The following RETREG2 variants were observed in gnomAD, a reference collection of about 807,000 sequenced individuals.
RETREG2 encodes reticulophagy regulator 2.
RETREG2 carries 21 observed loss-of-function variants against 51.6 expected under a neutral mutation model. The observed-to-expected ratio is 0.41, with a 90% confidence interval of 0.29 to 0.59. The LOEUF is 0.59. Among genes scored for constraint, RETREG2 ranks in the 20% least tolerant of loss-of-function variants. The pLI is 0.34. For missense variants in RETREG2, 674 were observed against 646.0 expected, an observed-to-expected ratio of 1.04 and a Z score of -0.47; for synonymous variants, 339 against 288.6, an observed-to-expected ratio of 1.17 and a Z score of -1.77.
At chr2:219,178,808 C>G in intron 1 of RETREG2, 114 bp from the exon 2 acceptor site, 1 of 1,103,696 alleles carries the variant, frequency 9.1e-7, no homozygotes, top group Non-Finnish European at 1.3e-6. Flanking sequence ...TCGTGAGTCG[C>G]GAGTTAGGCC....
Position 219,184,455 on chromosome 2 carries a change from CTT to C in RETREG2, c.*1829_*1830del, listed in dbSNP as rs1950323047. The C allele has an allele frequency of 6.6e-6, 1 of 152,084 alleles. No homozygotes were observed. The highest frequency in any genetic ancestry group is 1.5e-5 in the Non-Finnish European group (1 of 68,038). The allele number at this position is 152,084 out of a possible 1,614,324, so 9.4% of individuals were successfully genotyped here. A position where few individuals can be genotyped will look rare whatever the true frequency, so the allele number is the denominator to read the frequency against. ...ATGCTGCCTGTCTTTCTGAGGTTGA[CTT>C]TTATGCCATGTCTTTCCTAAGTGTG... On this transcript the variant is annotated 3_prime_UTR_variant, in exon 9 of 9. Coordinates refer to ENST00000430297, the MANE Select transcript of RETREG2 (RefSeq NM_024293.6).
Position 219,178,276 on chromosome 2 carries a change from T to G in RETREG2, c.-77T>G, listed in dbSNP as rs964956218. 1 of 338,562 alleles carries G rather than the reference T, an allele frequency of 3.0e-6. No individual in the cohort carries two copies. Among genetic ancestry groups the G allele is most frequent in the Admixed American group, 5.1e-5 (1 of 19,542 alleles). 21.0% of individuals were successfully genotyped at this position (338,562 alleles called of 1,614,324 possible). A position where few individuals can be genotyped will look rare whatever the true frequency, so the allele number is the denominator to read the frequency against. ...CTCTGCTGTCCTCCGCGGCGCCCCCTTCCGCCTGACGCGCCCCCGGCGGCG... is the reference window on the plus strand; with the variant it reads ...CTCTGCTGTCCTCCGCGGCGCCCCCGTCCGCCTGACGCGCCCCCGGCGGCG... On this transcript the variant is annotated 5_prime_UTR_variant, in exon 1 of 9. Transcript: ENST00000430297.
intron 7 of RETREG2, 84 bp downstream of exon 7, chr2:219,181,547 G>A: frequency 6.2e-7 from 1 of 1,600,158 alleles, no homozygotes; most frequent in South Asian, 1.1e-5. Context: ...TCCAAAGGAG[G>A]TGGAAGCCAG....
In RETREG2 at chr2:219,178,609, C is replaced by G; in HGVS notation, c.257C>G (p.Ala86Gly). Residue 86 changes from alanine to glycine, a missense_variant, in exon 1 of 9, where the codon GCG becomes GGG. Ala to Gly is a moderately conservative substitution (Grantham distance 60, BLOSUM62 0). Transcript: ENST00000430297. ...AAGCCGCTGCACAGCCTGGTCACGGCGGCCGCGCTCAACGGCCTCTTCTGG... is the reference window on the plus strand; with the variant it reads ...AAGCCGCTGCACAGCCTGGTCACGGGGGCCGCGCTCAACGGCCTCTTCTGG... ...WEKPLHSLVT[A>G]AALNGLFWLL... 1 of 1,457,170 alleles carries G rather than the reference C, an allele frequency of 6.9e-7. No individual in the cohort carries two copies. Among genetic ancestry groups the G allele is most frequent in the South Asian group, 1.3e-5 (1 of 75,406 alleles). The allele number at this position is 1,457,170 out of a possible 1,614,324, so 90.3% of individuals were successfully genotyped here.
rs1950224642 is a variant in RETREG2, at chr2:219,178,645, G to T, written c.281+12G>T. The T allele has an allele frequency of 6.9e-7, 1 of 1,439,964 alleles. No homozygotes were observed. The highest frequency in any genetic ancestry group is 9.0e-7 in the Non-Finnish European group (1 of 1,108,050). The allele number at this position is 1,439,964 out of a possible 1,614,324, so 89.2% of individuals were successfully genotyped here. On this transcript the variant is annotated intron_variant, in intron 1 of 8. Coordinates refer to ENST00000430297, the MANE Select transcript of RETREG2 (RefSeq NM_024293.6). The stretch of plus-strand genomic sequence containing the variant: ...AACGGCCTCTTCTGGTAACGGCCGC[G>T]GAGGAGGGGGCGGGGCCGGGATGAG...
At position 219,178,976 on chromosome 2, in the gene RETREG2, G is replaced by T; in HGVS notation, c.336G>T (p.Leu112Phe). The change falls in exon 2 of 9, where the codon TTG (leucine) becomes TTT (phenylalanine). Residue 112 changes from leucine to phenylalanine, a missense_variant. Transcript: ENST00000430297. ...TCTTCCTACTCAGCGTCTCACTTTT[G>T]GCCTATTTTCTGCTGGATCTCTGGC... ...RPFFLLSVSL[L>F]AYFLLDLWQP... 1 of 1,614,058 alleles carries T rather than the reference G, an allele frequency of 6.2e-7. No individual in the cohort carries two copies. The highest frequency in any genetic ancestry group is 8.5e-7 in the Non-Finnish European group (1 of 1,179,996).
At chr2:219,179,587 C>T (rs144047646) in intron 2 of RETREG2, 146 bp from the exon 3 acceptor site, 73 of 747,090 alleles carry the variant, frequency 9.8e-5, no homozygotes, top group Admixed American at 5.9e-4. Flanking sequence ...AGGAGACAGA[C>T]GCAAACAAAA....
Position 219,184,667 on chromosome 2 carries a change from T to C in RETREG2, c.*2038T>C, listed in dbSNP as rs1357817439. ...AAAATAGAATTAATCAGGCAATGAC[T>C]GCAACATGTCCTATCTTTAATCTAT... On this transcript the variant is annotated 3_prime_UTR_variant, in exon 9 of 9. Coordinates refer to ENST00000430297, the MANE Select transcript of RETREG2 (RefSeq NM_024293.6). The C allele has an allele frequency of 6.6e-6, 1 of 152,172 alleles. No homozygotes were observed. Among genetic ancestry groups the C allele is most frequent in the Non-Finnish European group, 1.5e-5 (1 of 68,016 alleles). The allele number at this position is 152,172 out of a possible 1,614,324, so 9.4% of individuals were successfully genotyped here.
rs867184470 is a variant in RETREG2 at position 219,184,427 on chromosome 2, G to T, written c.*1798G>T. 6.6e-6 allele frequency: 1 copy of T among 152,124 alleles called. No individual in the cohort carries two copies. Among genetic ancestry groups the T allele is most frequent in the African/African-American group, 2.4e-5 (1 of 41,400 alleles). The allele number at this position is 152,124 out of a possible 1,614,324, so 9.4% of individuals were successfully genotyped here. On this transcript the variant is annotated 3_prime_UTR_variant, in exon 9 of 9. Coordinates refer to ENST00000430297, the MANE Select transcript of RETREG2 (RefSeq NM_024293.6). The stretch of plus-strand genomic sequence containing the variant: ...GGCTGTCTGCTGGAGGTACCATATG[G>T]TAATGCTGCCTGTCTTTCTGAGGTT...
At position 219,181,153 on chromosome 2, in the gene RETREG2, C is replaced by G. The variant is rs767100387; in HGVS notation, c.732C>G (p.Asp244Glu). The G allele has an allele frequency of 1.9e-6, 3 of 1,614,140 alleles. No individual in the cohort carries two copies. The highest frequency in any genetic ancestry group is 2.2e-5 in the South Asian group (2 of 91,088). ...TRLEPLLMQL[D>E]YSMKAEANAL... The stretch of plus-strand genomic sequence containing the variant: ...TGGAGCCCCTGCTCATGCAGCTGGA[C>G]TACAGCATGAAGGCAGAAGCCAATG... Residue 244 changes from aspartate (D) to glutamate (E), a missense_variant, in exon 6 of 9, where the codon GAC becomes GAG. Physicochemically the swap from Asp to Glu is conservative, Grantham distance 45. Coordinates refer to ENST00000430297, the MANE Select transcript of RETREG2 (RefSeq NM_024293.6).
Position 219,181,738 on chromosome 2 carries a change from C to A in RETREG2, c.978C>A (p.Ser326=), listed in dbSNP as rs1050050590. The part of the protein sequence containing the change: ...SILESGGFSV[S]RATTPQLTDV... ...TGGAGAGTGGTGGCTTCTCCGTATCCCGGGCCACAACTCCGCAGCTGACTG... is the reference window on the plus strand; with the variant it reads ...TGGAGAGTGGTGGCTTCTCCGTATCACGGGCCACAACTCCGCAGCTGACTG... The change falls in exon 8 of 9, where the codon TCC becomes TCA. Residue 326 remains serine (S), a synonymous_variant. Coordinates refer to ENST00000430297, the MANE Select transcript of RETREG2 (RefSeq NM_024293.6). 6.2e-7 allele frequency: 1 copy of A among 1,613,850 alleles called. No homozygotes were observed. The highest frequency in any genetic ancestry group is 1.7e-5 in the Admixed American group (1 of 59,984).
Position 219,181,776 on chromosome 2 carries a change from G to C in RETREG2, c.1015+1G>C. ...CCGCAGCTGACTGATGTCTCCGAGG[G>C]TATGGGGAGCCCTTTGCTGCCCTGC... On this transcript the variant is annotated splice_donor_variant, in intron 8 of 8. Transcript: ENST00000430297. LOFTEE classifies it high-confidence loss of function. 1 of 1,612,960 alleles carries C rather than the reference G, an allele frequency of 6.2e-7. No homozygotes were observed. The highest frequency in any genetic ancestry group is 2.2e-5 in the East Asian group (1 of 44,852).
chr2:219,184,031 C>T lies in RETREG2; in HGVS notation c.*1402C>T, dbSNP rs556597405. On this transcript the variant is annotated 3_prime_UTR_variant, in exon 9 of 9. Transcript: ENST00000430297. ...TGTATTAAGATTTTTCCTCACAGGT[C>T]AGATATATACTGTTACTAACTTCAT... 1 of 152,322 alleles carries T rather than the reference C, an allele frequency of 6.6e-6. No individual in the cohort carries two copies. Among genetic ancestry groups the T allele is most frequent in the South Asian group, 2.1e-4 (1 of 4,830 alleles). The allele number at this position is 152,322 out of a possible 1,614,324, so 9.4% of individuals were successfully genotyped here.
rs568410549 is a variant in RETREG2, at chr2:219,183,431, G to A, written c.*802G>A. On this transcript the variant is annotated 3_prime_UTR_variant, in exon 9 of 9. Coordinates refer to ENST00000430297, the MANE Select transcript of RETREG2 (RefSeq NM_024293.6). Reference sequence around the variant, plus strand: ...TAGTGGGACCCCCTACTAGGGTCAGGAAGTGGACACTAACATCTGTGCAGG... The same window carrying A: ...TAGTGGGACCCCCTACTAGGGTCAGAAAGTGGACACTAACATCTGTGCAGG... 4 of 152,364 alleles carry A rather than the reference G, an allele frequency of 2.6e-5. No homozygotes were observed. The East Asian group carries it at 5.8e-4, about 22-fold the overall frequency. 9.4% of individuals were successfully genotyped at this position (152,364 alleles called of 1,614,324 possible). A position where few individuals can be genotyped will look rare whatever the true frequency, so the allele number is the denominator to read the frequency against.
chr2:219,181,054 A>C lies in RETREG2; in HGVS notation c.641-8A>C. On this transcript the variant is annotated splice_region_variant and splice_polypyrimidine_tract_variant and intron_variant, in intron 5 of 8. Coordinates refer to ENST00000430297, the MANE Select transcript of RETREG2 (RefSeq NM_024293.6). ...AGGGAGCTCTTAGTTCACGTTCTTA[A>C]CCCATAGTGTTGAGTATCCTGCTGT... 1.2e-6 allele frequency: 2 copies of C among 1,613,790 alleles called. No individual in the cohort carries two copies.
rs1219565036 is a variant in RETREG2 at position 219,180,200 on chromosome 2, T to A, written c.510T>A (p.Ile170=). 6.2e-7 allele frequency: 1 copy of A among 1,614,182 alleles called. No individual in the cohort carries two copies. Among genetic ancestry groups the A allele is most frequent in the South Asian group, 1.1e-5 (1 of 91,088 alleles). Residue 170 remains isoleucine (I), a synonymous_variant, in exon 4 of 9, where the codon ATT becomes ATA. Transcript: ENST00000430297. ...CTGAGAGCTGGCTCACCTTCCAGAT[T>A]CACCTGCAGGAGCTGCTGCAGTACA... The part of the protein sequence containing the change: ...YLAESWLTFQ[I]HLQELLQYKR...
At chr2:219,181,615 G>A (rs200092175) in intron 7 of RETREG2, 25 bp from the exon 8 acceptor site, 106 of 1,612,720 alleles carry the variant, frequency 6.6e-5, no homozygotes, top group South Asian at 2.3e-4. Context: ...CTCACATGTC[G>A]TGTTCATCCT....
chr2:219,181,437 G>A lies in RETREG2; in HGVS notation c.853G>A (p.Ala285Thr), dbSNP rs745365496. 1 of 1,614,150 alleles carries A rather than the reference G, an allele frequency of 6.2e-7. No individual in the cohort carries two copies. ...GGCAGAGACAGAGAGTGAAAGCGAG[G>A]CAGAGCTGGCTGGCTTCTCCCCAGT... The part of the protein sequence containing the change: ...PLAETESESE[A>T]ELAGFSPVVD... Residue 285 changes from alanine (A) to threonine (T), a missense_variant, in exon 7 of 9, where the codon GCA becomes ACA. Transcript: ENST00000430297.
At chr2:219,181,491 A>G (rs1351276615) in intron 7 of RETREG2, 28 bp downstream of exon 7, 2 of 1,611,988 alleles carry the variant, frequency 1.2e-6, no homozygotes, top group South Asian at 2.2e-5. Flanking sequence ...CGGGGGTGTC[A>G]AATAGAAAGC....
Sources: gnomAD v4.1 joint callset for allele counts on GRCh38, gnomAD v4.1.1 for gene constraint, MANE v1.5 for transcripts, NCBI Gene and HGNC (gene_info 2026-07-23, HGNC 2026-07-21) for gene names.